The following SPTLC3 variants were observed in gnomAD, a reference collection of about 807,000 sequenced individuals.
The protein encoded by SPTLC3 is serine palmitoyltransferase 3.
In SPTLC3, 36 loss-of-function variants were observed where a neutral mutation model predicts 59.3. The ratio of observed to expected loss-of-function variants is 0.61; its 90% CI spans 0.47 to 0.80. The LOEUF (loss-of-function observed/expected upper bound fraction) is 0.80, where lower values mean the gene tolerates loss of function less well. SPTLC3 is among the 30% of genes least tolerant of loss of function. The pLI is 0.00. For missense variants in SPTLC3, 625 were observed against 685.1 expected, an observed-to-expected ratio of 0.91 and a Z score of 0.98; for synonymous variants, 257 against 240.8, an observed-to-expected ratio of 1.07 and a Z score of -0.62.
intron 10 of SPTLC3, among the ~76,000 whole-genome samples, chr20:13,158,372 G>C (rs918442198): frequency 6.6e-6 from 1 of 152,122 alleles, no homozygotes; most frequent in Non-Finnish European, 1.5e-5. Flanking sequence ...GGAGACGCCA[G>C]GTTAGACTAA....
intron 8 of SPTLC3, among the ~76,000 whole-genome samples, chr20:13,119,652 T>G (rs1990789848): frequency 6.6e-6 from 1 of 152,208 alleles, no homozygotes; most frequent in Non-Finnish European, 1.5e-5. Flanking sequence ...CACCTTTCTC[T>G]GTCTTCTCTT....
At chr20:13,102,025 G>A (rs1307707065) in intron 6 of SPTLC3, among the ~76,000 whole-genome samples, 1 of 152,158 alleles carries the variant, frequency 6.6e-6, no homozygotes, top group Non-Finnish European at 1.5e-5. Flanking sequence ...AAAAGAAAAA[G>A]TGGAAAGGAA....
rs1311642925 is a variant in SPTLC3, at chr20:13,103,813, A to G, written c.827-6299A>G. On this transcript the variant is annotated intron_variant, in intron 6 of 11. Transcript: ENST00000399002. ...AGAGAAGAGAAAGGAGGAAGCCCTG[A>G]TGTATGCAACAGTGTTGCCATTTGA... Among the ~76,000 whole-genome samples the G allele has an allele frequency of 2.6e-5, 4 of 152,350 alleles. No individual in the cohort carries two copies. In the Middle Eastern group the frequency reaches 0.014, roughly 518 times the overall value.
intron 2 of SPTLC3, among the ~76,000 whole-genome samples, chr20:13,061,237 A>G (rs1042992069): frequency 2.0e-5 from 3 of 152,182 alleles, no homozygotes; most frequent in African/African-American, 4.8e-5. Flanking sequence ...TCTTCGAAGC[A>G]TCTTTCTAGA....
At chr20:13,087,326 T>G (rs1327177982) in intron 4 of SPTLC3, among the ~76,000 whole-genome samples, 2 of 152,336 alleles carry the variant, frequency 1.3e-5, no homozygotes, top group East Asian at 3.9e-4. Context: ...AGATGCATCA[T>G]GAACTTCTGC....
Position 13,009,401 on chromosome 20 carries a change from C to T in SPTLC3, c.117+17C>T, listed in dbSNP as rs766409332. On this transcript the variant is annotated intron_variant, in intron 1 of 11. Transcript: ENST00000399002. The stretch of plus-strand genomic sequence containing the variant: ...GAAGCCCAGGTAAGAGGCACTCTCC[C>T]CTACTCTTCTCTGAATTACCTGAAC... 1.3e-6 allele frequency: 2 copies of T among 1,591,852 alleles called. No individual in the cohort carries two copies. The highest frequency in any genetic ancestry group is 4.5e-5 in the East Asian group (2 of 44,768).
rs752900436 is a variant in SPTLC3, at chr20:13,072,405, G to T, written c.453G>T (p.Thr151=). ...MERVSDDYNW[T]FRFTGRVIKD... is the part of the protein sequence containing the mutation. ...GGGTATCAGACGACTATAACTGGAC[G>T]TTTAGGTGAGAGAACTTCTTGGAGG... The change falls in exon 3 of 12, where the codon ACG becomes ACT. Residue 151 remains threonine (T), a synonymous_variant. Transcript: ENST00000399002. 6.3e-7 allele frequency: 1 copy of T among 1,582,810 alleles called. No individual in the cohort carries two copies. The highest frequency in any genetic ancestry group is 1.2e-5 in the South Asian group (1 of 85,506).
At chr20:13,144,753 ATG>A (rs60788760) in intron 9 of SPTLC3, among the ~76,000 whole-genome samples, 142,049 of 151,576 alleles carry the variant, frequency 0.94, 66,658 homozygotes, top group East Asian at 1. Flanking sequence ...GAGGTCTACT[ATG>A]TGTGTGTGTG....
chr20:13,084,361 T>A (rs1243513441), intron 4 of SPTLC3, among the ~76,000 whole-genome samples: 1 of 152,202 alleles, frequency 6.6e-6, no homozygotes, highest in African/African-American at 2.4e-5. Flanking sequence ...ATGCTTAGCA[T>A]CCCTTGGGCT....
intron 9 of SPTLC3, among the ~76,000 whole-genome samples, chr20:13,137,515 T>C (rs1315032595): frequency 6.6e-6 from 1 of 152,170 alleles, no homozygotes; most frequent in East Asian, 1.9e-4. Flanking sequence ...GTGTTATATT[T>C]TATGATGATA....
chr20:13,144,016 C>T (rs2038447981), intron 9 of SPTLC3, among the ~76,000 whole-genome samples: 1 of 152,150 alleles, frequency 6.6e-6, no homozygotes, highest in South Asian at 2.1e-4. Flanking sequence ...GTCATGTTTA[C>T]TTACAATGCT....
intron 2 of SPTLC3, among the ~76,000 whole-genome samples, chr20:13,055,588 A>G (rs1342546226): frequency 1.3e-5 from 2 of 152,108 alleles, no homozygotes; most frequent in African/African-American, 2.4e-5. Context: ...TCTACAATCT[A>G]TTTTCTAACC....
At chr20:13,115,643 C>A (rs184644906) in intron 7 of SPTLC3, among the ~76,000 whole-genome samples, 76 of 152,256 alleles carry the variant, frequency 5.0e-4, no homozygotes, top group Non-Finnish European at 2.5e-4. Context: ...CAGCATGACA[C>A]CCACATGCCT....
chr20:13,074,772 T>C (rs966588102), intron 4 of SPTLC3, among the ~76,000 whole-genome samples: 1 of 152,234 alleles, frequency 6.6e-6, no homozygotes, highest in Non-Finnish European at 1.5e-5. Flanking sequence ...TAGCTGGTCC[T>C]TTTCTGCCCT....
intron 4 of SPTLC3, among the ~76,000 whole-genome samples, chr20:13,088,324 G>GTTTGTT (rs1989074723): frequency 6.6e-6 from 1 of 151,946 alleles, no homozygotes; most frequent in Non-Finnish European, 1.5e-5. Context: ...TGTTGTTGTT[G>GTTTGTT]TTTGTTTTTG....
chr20:13,055,828 G>A (rs548839382), intron 2 of SPTLC3, among the ~76,000 whole-genome samples: 1 of 152,244 alleles, frequency 6.6e-6, no homozygotes, highest in African/African-American at 2.4e-5. Flanking sequence ...GAGTTGGAGA[G>A]GAAAGAGGGG....
chr20:13,065,511 A>C (rs1001153326), intron 2 of SPTLC3, among the ~76,000 whole-genome samples: 1 of 151,916 alleles, frequency 6.6e-6, no homozygotes, highest in East Asian at 1.9e-4. Context: ...AAAAAGTTGT[A>C]TTTTAATAAT....
At chr20:13,163,367 C>CA (rs56217510) in intron 11 of SPTLC3, among the ~76,000 whole-genome samples, 6,385 of 89,750 alleles carry the variant, frequency 0.071, 272 homozygotes, top group East Asian at 0.19. Flanking sequence ...GACGCTGTCT[C>CA]AAAAAAAAAA....
At chr20:13,011,290 A>G (rs543311253) in intron 1 of SPTLC3, among the ~76,000 whole-genome samples, 1 of 152,294 alleles carries the variant, frequency 6.6e-6, no homozygotes, top group South Asian at 2.1e-4. Flanking sequence ...GGCCTAGACC[A>G]AAAGCCTTGC....
Sources: allele counts gnomAD v4.1 joint callset (sites outside exome capture counted in the v4.1 genomes callset), GRCh38; gene constraint gnomAD v4.1.1; transcripts MANE v1.5; gene names NCBI Gene and HGNC (gene_info 2026-07-23, HGNC 2026-07-21).